ZC3H12B: variants seen among roughly 807,000 people sequenced by gnomAD.
ZC3H12B encodes the protein zinc finger CCCH-type containing 12B, also known as probable ribonuclease ZC3H12B.
In ZC3H12B, 7 loss-of-function variants were observed where a neutral mutation model predicts 43.9. The observed-to-expected ratio is 0.16, with a 90% CI of 0.09 to 0.30. The LOEUF is 0.30. Among genes scored for constraint, ZC3H12B ranks in the 10% least tolerant of loss-of-function variants. ZC3H12B has a pLI of 1.00. For synonymous variants in ZC3H12B, 222 were observed against 241.7 expected (o/e 0.92, Z 0.76); for missense variants, 475 against 670.2 (o/e 0.71, Z 3.22).
At chrX:65,242,412 A>G in the ZC3H12B span, among the ~76,000 whole-genome samples, 1 of 111,934 alleles carries the variant, frequency 8.9e-6, no homozygotes, top group Non-Finnish European at 1.9e-5. Flanking sequence ...AAAATAAAGT[A>G]CCTAGAAATA....
At chrX:65,128,314 C>T in the ZC3H12B span, among the ~76,000 whole-genome samples, 2 of 112,024 alleles carry the variant, frequency 1.8e-5, no homozygotes, top group African/African-American at 6.5e-5. Context: ...AGATTTTCTT[C>T]TTGACCTATG....
the ZC3H12B span, among the ~76,000 whole-genome samples, chrX:65,345,760 A>C: frequency 8.9e-6 from 1 of 112,281 alleles, no homozygotes; most frequent in Non-Finnish European, 1.9e-5. Context: ...AGAACTGATA[A>C]ATGATTCCAT....
intron 2 of ZC3H12B, among the ~76,000 whole-genome samples, chrX:65,374,515 A>T (rs1164529247): frequency 1.8e-5 from 2 of 108,877 alleles, no homozygotes; most frequent in Non-Finnish European, 3.8e-5. Context: ...GGCTCCACCA[A>T]GCATCCCTCC....
At chrX:65,324,117 G>T in the ZC3H12B span, among the ~76,000 whole-genome samples, 10 of 112,067 alleles carry the variant, frequency 8.9e-5, no homozygotes, top group Non-Finnish European at 1.3e-4. Context: ...TGGATAGATT[G>T]CAAAAATATT....
At chrX:65,189,085 T>A in the ZC3H12B span, among the ~76,000 whole-genome samples, 1 of 103,586 alleles carries the variant, frequency 9.7e-6, no homozygotes, top group Non-Finnish European at 2.0e-5. Context: ...CTGAGAATGA[T>A]GATTTCCAAT....
intron 3 of ZC3H12B, among the ~76,000 whole-genome samples, chrX:65,442,258 C>A (rs182969447): frequency 1.9e-3 from 210 of 109,777 alleles, no homozygotes; most frequent in African/African-American, 6.5e-3. Flanking sequence ...GCCTGGCAAT[C>A]GGGATTAGCA....
chrX:65,435,153 T>G lies in ZC3H12B; in HGVS notation n.407+36449T>G, dbSNP rs191018825. 3.0e-4 allele frequency among the ~76,000 whole-genome samples: 34 copies of G among 111,853 alleles called. 1 individual carries two copies. Among genetic ancestry groups the G allele is most frequent in the Admixed American group, 2.9e-3 (30 of 10,490 alleles). On this transcript the variant is annotated intron_variant and non_coding_transcript_variant, in intron 3 of 5. Coordinates refer to the ZC3H12B transcript ENST00000617377. ...TTAACAGTTTTGCATGATGAGGAAC[T>G]GTGTTCTGATTTTTAACAATAATAG...
chrX:65,188,447 T>A, the ZC3H12B span, among the ~76,000 whole-genome samples: 2 of 108,870 alleles, frequency 1.8e-5, no homozygotes, highest in Non-Finnish European at 3.8e-5. Flanking sequence ...TGTACAACGT[T>A]TCCCTTTCCT....
At chrX:65,243,468 AAG>A in the ZC3H12B span, among the ~76,000 whole-genome samples, 2 of 112,232 alleles carry the variant, frequency 1.8e-5, no homozygotes, top group African/African-American at 6.5e-5. Flanking sequence ...AAAAAATAAC[AAG>A]AGATGCTGGC....
intron 2 of ZC3H12B, among the ~76,000 whole-genome samples, chrX:65,378,281 G>A (rs1405795690): frequency 9.0e-6 from 1 of 111,466 alleles, no homozygotes; most frequent in South Asian, 3.7e-4. Flanking sequence ...ACTACAGTGA[G>A]ATATAAATAG....
chrX:65,283,657 G>A, the ZC3H12B span, among the ~76,000 whole-genome samples: 1 of 111,930 alleles, frequency 8.9e-6, no homozygotes, highest in South Asian at 3.8e-4. Context: ...CCTTGGGACA[G>A]AACTGCTCCA....
the ZC3H12B span, among the ~76,000 whole-genome samples, chrX:65,099,294 A>G: frequency 1.8e-5 from 2 of 111,788 alleles, no homozygotes; most frequent in African/African-American, 6.5e-5. Context: ...GCTTCAGCGG[A>G]CTTAAATGTT....
chrX:65,079,521 T>C, the ZC3H12B span, among the ~76,000 whole-genome samples: 1 of 112,468 alleles, frequency 8.9e-6, no homozygotes. Context: ...ATAAGTGGCT[T>C]GGAGTGCAGG....
chrX:65,157,218 G>A, the ZC3H12B span, among the ~76,000 whole-genome samples: 2 of 111,120 alleles, frequency 1.8e-5, no homozygotes, highest in African/African-American at 6.5e-5. Flanking sequence ...TGTGCTCAAG[G>A]TATCTGCCCG....
At chrX:65,132,981 G>A in the ZC3H12B span, among the ~76,000 whole-genome samples, 504 of 111,352 alleles carry the variant, frequency 4.5e-3, 2 homozygotes, top group African/African-American at 0.013. Flanking sequence ...AGTGGCTGCC[G>A]GGTGAGTTGG....
At chrX:65,087,048 C>T in the ZC3H12B span, among the ~76,000 whole-genome samples, 2 of 110,415 alleles carry the variant, frequency 1.8e-5, no homozygotes, top group South Asian at 7.8e-4. Context: ...CTCTCTAACA[C>T]ACCCAGGCTC....
chrX:65,074,313 G>A, the ZC3H12B span, among the ~76,000 whole-genome samples: 7 of 109,639 alleles, frequency 6.4e-5, no homozygotes, highest in African/African-American at 3.3e-5. Flanking sequence ...ATTCCTTTCC[G>A]ACCTGCAAGG....
At chrX:65,149,202 T>A in the ZC3H12B span, among the ~76,000 whole-genome samples, 1 of 111,266 alleles carries the variant, frequency 9.0e-6, no homozygotes, top group Non-Finnish European at 1.9e-5. Flanking sequence ...CTATGAGACA[T>A]CTACCTGTGC....
chrX:65,107,819 C>G, the ZC3H12B span, among the ~76,000 whole-genome samples: 8 of 111,101 alleles, frequency 7.2e-5, no homozygotes, highest in South Asian at 3.1e-3. Context: ...CCAAGCCCTG[C>G]GAAACTGTGA....
Sources: allele counts gnomAD v4.1 joint callset (sites outside exome capture counted in the v4.1 genomes callset), GRCh38; gene constraint gnomAD v4.1.1; transcripts MANE v1.5; gene names NCBI Gene and HGNC (gene_info 2026-07-23, HGNC 2026-07-21).